IL1RAPL1: variants seen among roughly 807,000 people sequenced by gnomAD.
IL1RAPL1 encodes the protein interleukin 1 receptor accessory protein like 1.
Under a neutral mutation model 48.4 loss-of-function variants are expected in IL1RAPL1, and 3 were observed. That is an observed-to-expected ratio of 0.06 (90% CI 0.03 to 0.16). The LOEUF (loss-of-function observed/expected upper bound fraction) is 0.16. Ranked by LOEUF, IL1RAPL1 falls within the 10% of genes least tolerant of loss-of-function variation. IL1RAPL1 has a pLI of 1.00. For synonymous variants in IL1RAPL1, 185 were observed against 187.7 expected (o/e 0.99, Z 0.12); for missense variants, 349 against 530.6 (o/e 0.66, Z 3.36).
rs1324487062 is a variant in IL1RAPL1 at position 29,917,487 on chromosome X, A to G, written c.802A>G (p.Arg268Gly). Residue 268 changes from arginine to glycine, a missense_variant, in exon 7 of 11, where the codon AGA (arginine) becomes GGA (glycine). By Grantham distance (125) the Arg-to-Gly change is moderately radical. This residue lies in a region of IL1RAPL1 where 238 missense variants were observed against 337.8 expected (regional missense o/e 0.70). Coordinates refer to ENST00000378993, the MANE Select transcript of IL1RAPL1 (RefSeq NM_014271.4). ...AGGTGACTCTGCTAATCTAACCTGC[A>G]GAGCTTTCTTTGGGTACAGCGGAGA... Reference protein sequence around the residue: ...QLGDSANLTCRAFFGYSGDVS... With the variant: ...QLGDSANLTCGAFFGYSGDVS... The G allele has an allele frequency of 1.7e-6, 2 of 1,208,905 alleles. No homozygotes were observed. The highest frequency in any genetic ancestry group is 3.5e-5 in the South Asian group (2 of 56,894).
intron 1 of IL1RAPL1, among the ~76,000 whole-genome samples, chrX:28,750,442 T>C (rs1456542567): frequency 8.9e-6 from 1 of 111,755 alleles, no homozygotes; most frequent in East Asian, 2.8e-4. Flanking sequence ...TCTAAGTATG[T>C]GTTTTCTTCC....
chrX:29,102,735 C>T (rs186797120), intron 2 of IL1RAPL1, among the ~76,000 whole-genome samples: 8 of 109,544 alleles, frequency 7.3e-5, no homozygotes, highest in Admixed American at 9.7e-5. Context: ...AAAACACTAA[C>T]GACTCCACAA....
chrX:29,808,063 A>G (rs987228644), intron 6 of IL1RAPL1, among the ~76,000 whole-genome samples: 4 of 112,000 alleles, frequency 3.6e-5, no homozygotes, highest in Non-Finnish European at 7.5e-5. Context: ...TAATAGCTAT[A>G]GGGAATCTTA....
intron 6 of IL1RAPL1, among the ~76,000 whole-genome samples, chrX:29,709,820 T>TTG (rs1927292648): frequency 8.9e-6 from 1 of 112,194 alleles, no homozygotes; most frequent in African/African-American, 3.2e-5. Context: ...TTCCATTTAT[T>TTG]TGTGTATTCT....
chrX:29,394,808 A>G (rs976524508), intron 3 of IL1RAPL1, among the ~76,000 whole-genome samples: 5 of 111,906 alleles, frequency 4.5e-5, no homozygotes, highest in Non-Finnish European at 9.4e-5. Context: ...CCTATTAAGT[A>G]TCTTTCATCT....
At chrX:28,794,448 G>C (rs1245410679) in intron 2 of IL1RAPL1, among the ~76,000 whole-genome samples, 5 of 111,803 alleles carry the variant, frequency 4.5e-5, no homozygotes, top group Non-Finnish European at 1.9e-5. Flanking sequence ...ATAAGCAAGT[G>C]ACTTCAGTAT....
At chrX:28,945,210 A>G (rs775236847) in intron 2 of IL1RAPL1, among the ~76,000 whole-genome samples, 1 of 111,558 alleles carries the variant, frequency 9.0e-6, no homozygotes, top group Non-Finnish European at 1.9e-5. Context: ...TCCAGGATCT[A>G]GAACCAGAAA....
Position 29,186,982 on chromosome X carries a change from G to A in IL1RAPL1, c.83-95956G>A, listed in dbSNP as rs750560990. ...ACTCGAGCCTGTTGGAGTTGGGGGG[G>A]AGGGAGAGCATCAGGAAGAATAGCT... On this transcript the variant is annotated intron_variant, in intron 2 of 10. Coordinates refer to ENST00000378993, the MANE Select transcript of IL1RAPL1 (RefSeq NM_014271.4). Among the ~76,000 whole-genome samples, 10 of 110,848 alleles carry A rather than the reference G, an allele frequency of 9.0e-5. No individual in the cohort carries two copies. In the South Asian group the frequency reaches 3.9e-3, roughly 43 times the overall value.
At chrX:28,845,389 A>T (rs1180708812) in intron 2 of IL1RAPL1, among the ~76,000 whole-genome samples, 1 of 111,806 alleles carries the variant, frequency 8.9e-6, no homozygotes, top group African/African-American at 3.2e-5. Flanking sequence ...TATTAAAAAA[A>T]TTTATCAAAA....
chrX:29,366,061 A>AAAT (rs1358028508), intron 3 of IL1RAPL1, among the ~76,000 whole-genome samples: 1 of 110,309 alleles, frequency 9.1e-6, no homozygotes, highest in African/African-American at 3.3e-5. Flanking sequence ...AAAAAAAAAA[A>AAAT]ATAGAAATGC....
At chrX:28,979,803 G>GA (rs750536290) in intron 2 of IL1RAPL1, among the ~76,000 whole-genome samples, 18 of 111,738 alleles carry the variant, frequency 1.6e-4, no homozygotes, top group African/African-American at 5.8e-4. Flanking sequence ...GTATTCTGGG[G>GA]AAAAAATGCA....
At chrX:29,295,754 C>T (rs1932440445) in intron 3 of IL1RAPL1, among the ~76,000 whole-genome samples, 1 of 111,274 alleles carries the variant, frequency 9.0e-6, no homozygotes, top group Non-Finnish European at 1.9e-5. Flanking sequence ...GAAACTCTGT[C>T]CATCATATCT....
At chrX:29,492,506 T>C (rs1431461594) in intron 5 of IL1RAPL1, among the ~76,000 whole-genome samples, 2 of 111,833 alleles carry the variant, frequency 1.8e-5, no homozygotes, top group African/African-American at 6.5e-5. Flanking sequence ...CAGAAGTTTC[T>C]CACATTCCTT....
chrX:29,134,124 C>T (rs141672238), intron 2 of IL1RAPL1, among the ~76,000 whole-genome samples: 2 of 111,873 alleles, frequency 1.8e-5, no homozygotes, highest in African/African-American at 6.5e-5. Context: ...GTCGTTTCCA[C>T]CTTTTGGAAA....
chrX:29,089,623 C>T (rs979737646), intron 2 of IL1RAPL1, among the ~76,000 whole-genome samples: 1 of 101,801 alleles, frequency 9.8e-6, no homozygotes, highest in East Asian at 3.1e-4. Context: ...TTTTACTCTA[C>T]AGGTTTGGCT....
At chrX:28,642,844 G>A (rs1934563096) in intron 1 of IL1RAPL1, among the ~76,000 whole-genome samples, 1 of 110,520 alleles carries the variant, frequency 9.0e-6, no homozygotes, top group Non-Finnish European at 1.9e-5. Flanking sequence ...CACGAAACAC[G>A]AAAAACCCTT....
intron 5 of IL1RAPL1, among the ~76,000 whole-genome samples, chrX:29,617,252 G>A (rs1158302181): frequency 8.9e-6 from 1 of 112,441 alleles, no homozygotes; most frequent in Non-Finnish European, 1.9e-5. Context: ...GAATTCTGAA[G>A]AAGGTTTATT....
intron 2 of IL1RAPL1, among the ~76,000 whole-genome samples, chrX:28,940,655 T>TA (rs2147348766): frequency 9.0e-6 from 1 of 110,915 alleles, no homozygotes; most frequent in African/African-American, 3.3e-5. Context: ...AACCTGTTGA[T>TA]TATATTTTGA....
intron 2 of IL1RAPL1, among the ~76,000 whole-genome samples, chrX:29,279,730 TTTAGGTATGGAA>T (rs1932172300): frequency 8.9e-6 from 1 of 111,801 alleles, no homozygotes; most frequent in Admixed American, 9.6e-5. Flanking sequence ...CTGACTGATA[TTTAGGTATGGAA>T]TAAGAGTAAT....
Sources: allele counts gnomAD v4.1 joint callset (sites outside exome capture counted in the v4.1 genomes callset), GRCh38; gene constraint gnomAD v4.1.1; regional missense constraint gnomAD v4.1.1; transcripts MANE v1.5; gene names NCBI Gene and HGNC (gene_info 2026-07-23, HGNC 2026-07-21).